Variants in HPCAL1 observed in about 807,000 individuals in gnomAD.
HPCAL1 encodes hippocalcin like 1.
HPCAL1 carries 8 observed loss-of-function variants against 17.1 expected under a neutral mutation model. That is an observed-to-expected ratio of 0.47 (90% CI 0.27 to 0.84). The LOEUF is 0.84. HPCAL1 is among the 40% of genes least tolerant of loss of function. The pLI is 0.13. For synonymous variants in HPCAL1, 112 were observed against 111.4 expected, an observed-to-expected ratio of 1.01 and a Z score of -0.03; for missense variants, 165 against 271.1, an observed-to-expected ratio of 0.61 and a Z score of 2.75.
chr2:10,320,142 G>A (rs1448896374), intron 1 of HPCAL1, among the ~76,000 whole-genome samples: 1 of 152,088 alleles, frequency 6.6e-6, no homozygotes, highest in Non-Finnish European at 1.5e-5. Context: ...GGCCACTGAT[G>A]CCTGAGCTCC....
Position 10,367,645 on chromosome 2 carries a change from A to C in HPCAL1, c.-110-29190A>C, listed in dbSNP as rs531191812. 6.6e-6 allele frequency among the ~76,000 whole-genome samples: 1 copy of C among 152,272 alleles called. No homozygotes were observed. The highest frequency in any genetic ancestry group is 2.1e-4 in the South Asian group (1 of 4,826). ...TGTAAATTTTATGCTTCCTTGCAAA[A>C]ATTTGTCGAAAGTGCCAGAAAAGCC... On this transcript the variant is annotated intron_variant, in intron 1 of 4. Transcript: ENST00000307845. This position sits in a 1 kb window ranked among gnomAD's most constrained non-coding sequence, Gnocchi z 4.4.
chr2:10,383,514 C>T (rs1361276181), intron 1 of HPCAL1, among the ~76,000 whole-genome samples: 1 of 152,140 alleles, frequency 6.6e-6, no homozygotes, highest in Non-Finnish European at 1.5e-5. Context: ...AGGCACCTGC[C>T]ACCACACCCA....
chr2:10,407,911 T>G (rs12472775), intron 2 of HPCAL1, among the ~76,000 whole-genome samples: 36,292 of 152,172 alleles, frequency 0.24, 4,942 homozygotes, highest in South Asian at 0.43. Context: ...AAAACGCTGT[T>G]AGAATTCAAA....
intron 1 of HPCAL1, among the ~76,000 whole-genome samples, chr2:10,346,046 G>A (rs906602827): frequency 6.6e-6 from 1 of 152,128 alleles, no homozygotes; most frequent in African/African-American, 2.4e-5. Flanking sequence ...GGGTGTGTGT[G>A]TCTGTGTATG....
chr2:10,338,237 G>A (rs1313194206), intron 1 of HPCAL1, among the ~76,000 whole-genome samples: 1 of 152,096 alleles, frequency 6.6e-6, no homozygotes, highest in East Asian at 1.9e-4. Flanking sequence ...GTAATGAAAA[G>A]CGTTCTGGAA....
intron 2 of HPCAL1, among the ~76,000 whole-genome samples, chr2:10,416,917 CT>C (rs1670710209): frequency 6.6e-6 from 1 of 152,146 alleles, no homozygotes; most frequent in African/African-American, 2.4e-5. Context: ...TGTTCTGAGT[CT>C]GATGTGATTC....
chr2:10,423,953 C>T (rs181705162), intron 4 of HPCAL1: 1,618 of 153,454 alleles, frequency 0.011, 9 homozygotes, highest in Middle Eastern at 0.02. Flanking sequence ...ATTAGCCAGG[C>T]GTGGTGGCGG....
At chr2:10,398,871 T>C (rs1185901907) in intron 2 of HPCAL1, among the ~76,000 whole-genome samples, 1 of 152,074 alleles carries the variant, frequency 6.6e-6, no homozygotes, top group African/African-American at 2.4e-5. Context: ...AAAGTATTTT[T>C]CTCAGCAGAA....
At chr2:10,327,646 T>G (rs960860341) in intron 1 of HPCAL1, among the ~76,000 whole-genome samples, 1 of 152,156 alleles carries the variant, frequency 6.6e-6, no homozygotes, top group Non-Finnish European at 1.5e-5. Flanking sequence ...ATCAATGGCT[T>G]TTTTTTTCTG....
intron 2 of HPCAL1, among the ~76,000 whole-genome samples, chr2:10,401,931 C>T (rs1441843838): frequency 1.3e-5 from 2 of 152,166 alleles, no homozygotes; most frequent in Non-Finnish European, 2.9e-5. Flanking sequence ...GAGACAGTCT[C>T]GCTGTGTCTC....
Position 10,427,063 on chromosome 2 carries a change from G to A in HPCAL1, c.*242G>A, listed in dbSNP as rs144214583. The A allele has an allele frequency of 2.3e-4, 122 of 524,938 alleles. 2 individuals carry two copies. In the East Asian group the frequency reaches 4.0e-3, roughly 17 times the overall value. The allele number at this position is 524,938 out of a possible 1,614,324, so 32.5% of individuals were successfully genotyped here. On this transcript the variant is annotated 3_prime_UTR_variant, in exon 5 of 5. Coordinates refer to ENST00000307845, the MANE Select transcript of HPCAL1 (RefSeq NM_002149.4). ...ACTCCCAGGGATGTGGTGACATGCA[G>A]GGTTCAAGTGTTCTTGGTTCCAGGC...
At chr2:10,385,689 C>T (rs932406941) in intron 1 of HPCAL1, among the ~76,000 whole-genome samples, 5 of 152,090 alleles carry the variant, frequency 3.3e-5, no homozygotes, top group African/African-American at 4.8e-5. Flanking sequence ...GTTTGTGGCG[C>T]GACGGCTGCT....
chr2:10,352,056 C>T (rs1281416121), intron 1 of HPCAL1, among the ~76,000 whole-genome samples: 1 of 151,950 alleles, frequency 6.6e-6, no homozygotes, highest in Non-Finnish European at 1.5e-5. Flanking sequence ...GTGCGTACCA[C>T]CACACCTGGC....
intron 1 of HPCAL1, among the ~76,000 whole-genome samples, chr2:10,324,984 A>G (rs576916751): frequency 6.1e-5 from 9 of 146,884 alleles, no homozygotes; most frequent in Admixed American, 6.1e-4. Flanking sequence ...CACCACGCCC[A>G]GCAATTTTTT....
At position 10,404,118 on chromosome 2, in the gene HPCAL1, G is replaced by T. The variant is rs531753648; in HGVS notation, c.-25+7198G>T. On this transcript the variant is annotated intron_variant, in intron 2 of 4. Coordinates refer to ENST00000307845, the MANE Select transcript of HPCAL1 (RefSeq NM_002149.4). The stretch of plus-strand genomic sequence containing the variant: ...ACATGCAGAGGTCACCAGCCCAGAG[G>T]TTTGTAGCAGGGACAAGTTACTTGC... Among the ~76,000 whole-genome samples the T allele has an allele frequency of 2.6e-5, 4 of 152,302 alleles. No homozygotes were observed. The East Asian group carries it at 7.7e-4, about 29-fold the overall frequency.
chr2:10,332,194 T>C (rs541572575), intron 1 of HPCAL1, among the ~76,000 whole-genome samples: 1 of 152,326 alleles, frequency 6.6e-6, no homozygotes, highest in East Asian at 1.9e-4. Context: ...TCGACCTGGC[T>C]GAGGTCATGC....
At chr2:10,364,635 AGTGCG>A (rs1335877808) in intron 1 of HPCAL1, among the ~76,000 whole-genome samples, 1 of 147,188 alleles carries the variant, frequency 6.8e-6, no homozygotes, top group Non-Finnish European at 1.5e-5. Context: ...CCCAGGCTGG[AGTGCG>A]GTGGTGCGAT....
chr2:10,399,520 C>T lies in HPCAL1; in HGVS notation c.-25+2600C>T, dbSNP rs1558518629. Among the ~76,000 whole-genome samples, 314 of 118,076 alleles carry T rather than the reference C, an allele frequency of 2.7e-3. 3 individuals are homozygous for T. The highest frequency in any genetic ancestry group is 5.5e-3 in the East Asian group (23 of 4,200). The allele number at this position is 118,076 out of a possible 152,430, so 77.5% of individuals were successfully genotyped here. A position where few individuals can be genotyped will look rare whatever the true frequency, so the allele number is the denominator to read the frequency against. ...ATCACCATCACCACCACCGCCGCCACCACCGCCACTGCCACCGCCACCATC... is the reference window on the plus strand; with the variant it reads ...ATCACCATCACCACCACCGCCGCCATCACCGCCACTGCCACCGCCACCATC... On this transcript the variant is annotated intron_variant, in intron 2 of 4. Coordinates refer to ENST00000307845, the MANE Select transcript of HPCAL1 (RefSeq NM_002149.4).
intron 2 of HPCAL1, among the ~76,000 whole-genome samples, chr2:10,397,172 G>C (rs1363890212): frequency 1.3e-5 from 2 of 152,068 alleles, no homozygotes; most frequent in African/African-American, 4.8e-5. Flanking sequence ...CCCTAAGCTG[G>C]CCAGGTCTTT....
Sources: gnomAD v4.1 joint callset for allele counts (sites outside exome capture counted in the v4.1 genomes callset) on GRCh38, gnomAD v4.1.1 for gene constraint, Gnocchi (gnomAD v3.1) non-coding constraint, MANE v1.5 for transcripts, NCBI Gene and HGNC (gene_info 2026-07-23, HGNC 2026-07-21) for gene names.